Variants in BMPR1A observed in about 807,000 individuals in gnomAD.
The protein encoded by BMPR1A is bone morphogenetic protein receptor type-1A.
In BMPR1A, 7 loss-of-function variants were observed where a neutral mutation model predicts 66.0. That is an observed-to-expected ratio of 0.11 (90% confidence interval 0.06 to 0.20). The LOEUF (loss-of-function observed/expected upper bound fraction) is 0.20. BMPR1A is among the 10% of genes least tolerant of loss of function. BMPR1A has a pLI of 1.00. For synonymous variants in BMPR1A, 200 were observed against 229.7 expected, an observed-to-expected ratio of 0.87 and a Z score of 1.17; for missense variants, 408 against 669.1, an observed-to-expected ratio of 0.61 and a Z score of 4.31.
At chr10:86,819,499 T>A (rs1589730928) in intron 1 of BMPR1A, among the ~76,000 whole-genome samples, 1 of 151,992 alleles carries the variant, frequency 6.6e-6, no homozygotes, top group South Asian at 2.1e-4. Flanking sequence ...TGGGGTTTCA[T>A]CATTTTGGCC....
chr10:86,923,877 A>C lies in BMPR1A; in HGVS notation c.*158A>C. The C allele has an allele frequency of 1.2e-6, 1 of 810,002 alleles. No homozygotes were observed. The highest frequency in any genetic ancestry group is 2.0e-6 in the Non-Finnish European group (1 of 502,056). 50.2% of individuals were successfully genotyped at this position (810,002 alleles called of 1,614,324 possible). A position where few individuals can be genotyped will look rare whatever the true frequency, so the allele number is the denominator to read the frequency against. ...TAATATTAAACCTTTCAGTACTCTT[A>C]TTAGGATACAAGCTGGGAACTTCTA... On this transcript the variant is annotated 3_prime_UTR_variant, in exon 13 of 13. Transcript: ENST00000372037.
At chr10:86,860,322 TAAA>T (rs1842696950) in intron 2 of BMPR1A, among the ~76,000 whole-genome samples, 1 of 152,134 alleles carries the variant, frequency 6.6e-6, no homozygotes, top group African/African-American at 2.4e-5. Context: ...ATAAAAACAG[TAAA>T]GTTTTTATAT....
chr10:86,792,389 C>T lies in BMPR1A; in HGVS notation c.-268+35470C>T, dbSNP rs1242082073. Reference sequence around the variant, plus strand: ...CTACTGTCAGATCTTTAATGTTTGCCATTTAAATGAATTGCATACTGCTAA... The same window carrying T: ...CTACTGTCAGATCTTTAATGTTTGCTATTTAAATGAATTGCATACTGCTAA... On this transcript the variant is annotated intron_variant, in intron 1 of 12. Transcript: ENST00000372037. Among the ~76,000 whole-genome samples the T allele has an allele frequency of 2.0e-5, 3 of 152,122 alleles. No homozygotes were observed. The East Asian group carries it at 5.8e-4, about 29-fold the overall frequency.
intron 1 of BMPR1A, among the ~76,000 whole-genome samples, chr10:86,828,792 A>AT (rs545798138): frequency 5.2e-4 from 74 of 142,676 alleles, no homozygotes; most frequent in East Asian, 3.5e-3. Flanking sequence ...GTATAAAAAA[A>AT]AAATATATAT....
chr10:86,915,993 A>T (rs1843562450), intron 8 of BMPR1A, among the ~76,000 whole-genome samples: 1 of 152,228 alleles, frequency 6.6e-6, no homozygotes, highest in Non-Finnish European at 1.5e-5. Flanking sequence ...TCAAGCAAAT[A>T]TATATGTAAA....
chr10:86,871,722 A>G (rs1214638697), intron 2 of BMPR1A, among the ~76,000 whole-genome samples: 2 of 151,306 alleles, frequency 1.3e-5, no homozygotes, highest in East Asian at 1.9e-4. Flanking sequence ...AGGTGGGAGG[A>G]TTGCCTGGAG....
chr10:86,815,488 G>C (rs1842024604), intron 1 of BMPR1A, among the ~76,000 whole-genome samples: 1 of 152,080 alleles, frequency 6.6e-6, no homozygotes, highest in East Asian at 1.9e-4. Flanking sequence ...TGCACCATCT[G>C]CATCTTCAAA....
chr10:86,917,037 G>A, intron 8 of BMPR1A, 97 bp from the exon 9 acceptor site: 1 of 1,340,346 alleles, frequency 7.5e-7, no homozygotes, highest in Admixed American at 1.9e-5. Flanking sequence ...GAGTTGGTTG[G>A]GTACACCATG....
At chr10:86,882,596 AT>A (rs1160013152) in intron 3 of BMPR1A, among the ~76,000 whole-genome samples, 30 of 149,638 alleles carry the variant, frequency 2.0e-4, no homozygotes, top group Admixed American at 9.4e-4. Context: ...GTGGGGCTCA[AT>A]TTTTTTTTGG....
At chr10:86,862,040 C>G (rs1268935057) in intron 2 of BMPR1A, among the ~76,000 whole-genome samples, 1 of 152,168 alleles carries the variant, frequency 6.6e-6, no homozygotes, top group Non-Finnish European at 1.5e-5. Context: ...GGCACTGTTC[C>G]AGGTGCTAAA....
intron 1 of BMPR1A, among the ~76,000 whole-genome samples, chr10:86,804,792 GTTTTTTTT>G (rs5786747): frequency 4.9e-4 from 28 of 57,262 alleles, no homozygotes; most frequent in African/African-American, 2.1e-3. Flanking sequence ...GTTTGTAGGT[GTTTTTTTT>G]TTTTTTTTTT....
intron 5 of BMPR1A, among the ~76,000 whole-genome samples, chr10:86,892,664 A>G (rs1403465021): frequency 6.6e-6 from 1 of 152,042 alleles, no homozygotes; most frequent in African/African-American, 2.4e-5. Flanking sequence ...CCTGGGCTCA[A>G]GCAGTCTGCC....
chr10:86,792,267 A>G (rs1401703826), intron 1 of BMPR1A, among the ~76,000 whole-genome samples: 1 of 151,758 alleles, frequency 6.6e-6, no homozygotes, highest in East Asian at 1.9e-4. Flanking sequence ...GGGTTTCACC[A>G]TGTTAGCCAG....
chr10:86,826,516 C>T (rs187330180), intron 1 of BMPR1A, among the ~76,000 whole-genome samples: 187 of 152,090 alleles, frequency 1.2e-3, no homozygotes, highest in African/African-American at 4.3e-3. Context: ...ATCTACCACC[C>T]GGCAGTGGTC....
At chr10:86,880,057 G>A (rs1564711676) in intron 3 of BMPR1A, among the ~76,000 whole-genome samples, 2 of 152,126 alleles carry the variant, frequency 1.3e-5, no homozygotes, top group Admixed American at 6.6e-5. Flanking sequence ...CAGCTTTAGC[G>A]GCCTGCTTTC....
chr10:86,778,007 CAAAA>C (rs55951007), intron 1 of BMPR1A, among the ~76,000 whole-genome samples: 5 of 114,296 alleles, frequency 4.4e-5, no homozygotes, highest in African/African-American at 1.9e-4. Context: ...GAGCGAAACT[CAAAA>C]AAAAAAAAAA....
At chr10:86,873,594 A>G (rs891437963) in intron 2 of BMPR1A, among the ~76,000 whole-genome samples, 6 of 152,190 alleles carry the variant, frequency 3.9e-5, no homozygotes, top group Non-Finnish European at 8.8e-5. Context: ...GGAGCAAGAA[A>G]GAAAGGTGTG....
intron 2 of BMPR1A, among the ~76,000 whole-genome samples, chr10:86,841,048 G>T (rs977770041): frequency 6.6e-6 from 1 of 152,108 alleles, no homozygotes; most frequent in Non-Finnish European, 1.5e-5. Flanking sequence ...GTGACACTTT[G>T]CCTGTCTGCC....
At chr10:86,797,936 T>G (rs1475625682) in intron 1 of BMPR1A, among the ~76,000 whole-genome samples, 1 of 152,090 alleles carries the variant, frequency 6.6e-6, no homozygotes, top group Non-Finnish European at 1.5e-5. Flanking sequence ...AAATTAGATG[T>G]AGGTAAGCCT....
Sources: allele counts gnomAD v4.1 joint callset (sites outside exome capture counted in the v4.1 genomes callset), GRCh38; gene constraint gnomAD v4.1.1; transcripts MANE v1.5; gene names NCBI Gene and HGNC (gene_info 2026-07-23, HGNC 2026-07-21).